The following GRB14 variants were observed in gnomAD, a reference collection of about 807,000 sequenced individuals.
The protein encoded by GRB14 is growth factor receptor-bound protein 14.
GRB14 carries 38 observed loss-of-function variants against 69.1 expected under a neutral mutation model. The ratio of observed to expected loss-of-function variants is 0.55; its 90% CI spans 0.42 to 0.72. GRB14 has a LOEUF of 0.72. GRB14 is among the 30% of genes least tolerant of loss of function. The probability of loss-of-function intolerance (pLI) is 0.00; values close to 1 mark genes in which losing one functional copy is unlikely to be tolerated. For synonymous variants in GRB14, 247 were observed against 241.3 expected (o/e 1.02, Z -0.22); for missense variants, 666 against 666.1 (o/e 1.00, Z 0.00).
intron 3 of GRB14, among the ~76,000 whole-genome samples, chr2:164,527,373 T>C (rs994357792): frequency 2.0e-5 from 3 of 151,550 alleles, no homozygotes; most frequent in Non-Finnish European, 4.4e-5. Context: ...CAGACTGTTG[T>C]CTAGAAAGAA....
At chr2:164,567,767 T>C (rs1180894482) in intron 2 of GRB14, among the ~76,000 whole-genome samples, 1 of 152,188 alleles carries the variant, frequency 6.6e-6, no homozygotes, top group Admixed American at 6.5e-5. Flanking sequence ...AGAAAGCCCT[T>C]TCACAGGGGA....
intron 5 of GRB14, among the ~76,000 whole-genome samples, chr2:164,524,568 T>C (rs971749843): frequency 2.0e-5 from 3 of 152,136 alleles, no homozygotes; most frequent in Admixed American, 1.3e-4. Context: ...CCTGTATCTT[T>C]TATCTCCTTT....
At chr2:164,534,661 C>A (rs1263738247) in intron 3 of GRB14, among the ~76,000 whole-genome samples, 22 of 152,116 alleles carry the variant, frequency 1.4e-4, no homozygotes. Flanking sequence ...AATAAACTTT[C>A]TTGGACCTTT....
rs533303555 is a variant in GRB14, at chr2:164,611,351, T to C, written c.324+8336A>G. ...TGTAGGTGAGAAGACAATGGCTAAATTAGGATGGTGGCAGCAGAGATGGGG... is the reference window on the plus strand; with the variant it reads ...TGTAGGTGAGAAGACAATGGCTAAACTAGGATGGTGGCAGCAGAGATGGGG... On this transcript the variant is annotated intron_variant, in intron 2 of 13. Coordinates refer to ENST00000263915, the MANE Select transcript of GRB14 (RefSeq NM_004490.3). Among the ~76,000 whole-genome samples, 149 of 152,166 alleles carry C rather than the reference T, an allele frequency of 9.8e-4. 1 individual carries two copies. The highest frequency in any genetic ancestry group is 3.5e-3 in the African/African-American group (144 of 41,520).
intron 2 of GRB14, among the ~76,000 whole-genome samples, chr2:164,615,077 G>A (rs1432054691): frequency 6.6e-6 from 1 of 152,156 alleles, no homozygotes; most frequent in Non-Finnish European, 1.5e-5. Context: ...GACACATTGA[G>A]ACATGATACT....
chr2:164,508,574 T>A, intron 7 of GRB14, 24 bp from the exon 8 acceptor site: 2 of 1,593,924 alleles, frequency 1.3e-6, no homozygotes, highest in Non-Finnish European at 1.7e-6. Context: ...GCACATTGTT[T>A]ATCGTTAATG....
chr2:164,536,610 G>A (rs2105298950), intron 3 of GRB14, among the ~76,000 whole-genome samples: 1 of 152,018 alleles, frequency 6.6e-6, no homozygotes, highest in South Asian at 2.1e-4. Context: ...TATAATATTA[G>A]AAAACATCAT....
In GRB14 at chr2:164,492,960, G is replaced by T; in HGVS notation, c.*76C>A. On this transcript the variant is annotated 3_prime_UTR_variant, in exon 14 of 14. Transcript: ENST00000263915. ...ATTCTTTTCACATGGTAATGTTTTC[G>T]CCCTTATTTATGGTCTTTTATTATT... 3.8e-6 allele frequency: 5 copies of T among 1,315,890 alleles called. No homozygotes were observed. Among genetic ancestry groups the T allele is most frequent in the South Asian group, 3.2e-5 (2 of 63,128 alleles). 81.5% of individuals were successfully genotyped at this position (1,315,890 alleles called of 1,614,324 possible). A position where few individuals can be genotyped will look rare whatever the true frequency, so the allele number is the denominator to read the frequency against.
Position 164,497,501 on chromosome 2 carries a change from G to GAAAC in GRB14, c.1105-15_1105-12dup, listed in dbSNP as rs2105255939. 1 of 1,478,310 alleles carries GAAAC rather than the reference G, an allele frequency of 6.8e-7. No individual in the cohort carries two copies. The highest frequency in any genetic ancestry group is 1.2e-5 in the South Asian group (1 of 83,560). The allele number at this position is 1,478,310 out of a possible 1,614,324, so 91.6% of individuals were successfully genotyped here. On this transcript the variant is annotated splice_polypyrimidine_tract_variant and intron_variant, in intron 9 of 13. Coordinates refer to ENST00000263915, the MANE Select transcript of GRB14 (RefSeq NM_004490.3). The stretch of plus-strand genomic sequence containing the variant: ...CTCTGATATACTTCTCTGGAAAAAA[G>GAAAC]AAACACATTTGAGTTATGAAAATTT...
intron 2 of GRB14, among the ~76,000 whole-genome samples, chr2:164,608,279 G>A (rs1229673268): frequency 6.6e-6 from 1 of 152,024 alleles, no homozygotes; most frequent in Non-Finnish European, 1.5e-5. Flanking sequence ...GGCTGAGGCA[G>A]GAGAATCGCT....
At chr2:164,551,737 T>C (rs949908654) in intron 2 of GRB14, among the ~76,000 whole-genome samples, 1 of 152,202 alleles carries the variant, frequency 6.6e-6, no homozygotes, top group Non-Finnish European at 1.5e-5. Flanking sequence ...AAGCCTTCCC[T>C]GACTGTCCAA....
At chr2:164,508,046 C>A (rs762753125) in intron 8 of GRB14, among the ~76,000 whole-genome samples, 1 of 152,084 alleles carries the variant, frequency 6.6e-6, no homozygotes, top group Non-Finnish European at 1.5e-5. Context: ...TTATAAAACA[C>A]GAATCGAACA....
intron 2 of GRB14, among the ~76,000 whole-genome samples, chr2:164,609,160 G>A (rs953331933): frequency 2.0e-5 from 3 of 152,220 alleles, no homozygotes; most frequent in Non-Finnish European, 2.9e-5. Flanking sequence ...CTTCAAGACT[G>A]AAGCACTCAT....
At chr2:164,540,430 G>A (rs777475437) in intron 3 of GRB14, among the ~76,000 whole-genome samples, 3 of 152,064 alleles carry the variant, frequency 2.0e-5, no homozygotes, top group Non-Finnish European at 4.4e-5. Context: ...CCAAGATAGT[G>A]AAACCCTGTC....
chr2:164,562,217 C>T (rs1362833569), intron 2 of GRB14, among the ~76,000 whole-genome samples: 1 of 152,166 alleles, frequency 6.6e-6, no homozygotes, highest in Non-Finnish European at 1.5e-5. Flanking sequence ...CGTCTTAATA[C>T]TAGACCTACT....
rs138052740 is a variant in GRB14, at chr2:164,543,928, G to A, written c.481+3732C>T. 5.8e-4 allele frequency among the ~76,000 whole-genome samples: 89 copies of A among 152,198 alleles called. 1 individual carries two copies. In the East Asian group the frequency reaches 0.012, roughly 21 times the overall value. ...ATAGTGATTACTCTCCTCTTACATC[G>A]GTAAAGAACTGGAAGCTATTAAATC... On this transcript the variant is annotated intron_variant, in intron 3 of 13. Transcript: ENST00000263915.
At chr2:164,575,119 G>T (rs1689221713) in intron 2 of GRB14, among the ~76,000 whole-genome samples, 1 of 152,056 alleles carries the variant, frequency 6.6e-6, no homozygotes, top group South Asian at 2.1e-4. Context: ...TCAACAGTCA[G>T]ATTCAGTGGA....
rs369312561 is a variant in GRB14, at chr2:164,507,838, A to G, written c.1023+617T>C. 1.3e-4 allele frequency among the ~76,000 whole-genome samples: 20 copies of G among 152,332 alleles called. No individual in the cohort carries two copies. The East Asian group carries it at 3.9e-3, about 29-fold the overall frequency. On this transcript the variant is annotated intron_variant, in intron 8 of 13. Transcript: ENST00000263915. The stretch of plus-strand genomic sequence containing the variant: ...AAATATGCTTTCTATACATTCTGGA[A>G]GACATCAGTTCTGCTTTTATTTCCT...
At chr2:164,538,001 TAA>T (rs528234467) in intron 3 of GRB14, among the ~76,000 whole-genome samples, 3 of 144,766 alleles carry the variant, frequency 2.1e-5, no homozygotes, top group Non-Finnish European at 3.0e-5. Flanking sequence ...CTTCCTTTGT[TAA>T]AAAAAAAAAA....
Sources: gnomAD v4.1 joint callset for allele counts (sites outside exome capture counted in the v4.1 genomes callset) on GRCh38, gnomAD v4.1.1 for gene constraint, MANE v1.5 for transcripts, NCBI Gene and HGNC (gene_info 2026-07-23, HGNC 2026-07-21) for gene names.